RIPOR2: variants seen among roughly 807,000 people sequenced by gnomAD.
RIPOR2 encodes the protein RHO family interacting cell polarization regulator 2, also known as rho family-interacting cell polarization regulator 2.
A neutral mutation model predicts 114.5 loss-of-function variants in RIPOR2; 39 were observed. That is an observed-to-expected ratio of 0.34 (90% CI 0.26 to 0.44). The LOEUF (loss-of-function observed/expected upper bound fraction) is 0.44, where lower values mean the gene tolerates loss of function less well. RIPOR2 is among the 20% of genes least tolerant of loss of function. RIPOR2 has a pLI of 1.00. For synonymous variants in RIPOR2, 445 were observed against 484.4 expected (o/e 0.92, Z 1.07); for missense variants, 1,007 against 1,255.1 (o/e 0.80, Z 2.99).
At chr6:24,868,091 C>T (rs1764804321) in intron 6 of RIPOR2, among the ~76,000 whole-genome samples, 1 of 152,122 alleles carries the variant, frequency 6.6e-6, no homozygotes, top group Non-Finnish European at 1.5e-5. Flanking sequence ...GAAATAGGAG[C>T]AATTTCAGAT....
In RIPOR2 at chr6:25,031,728, TATATATATATATATATATATATAA is replaced by T. The variant is rs1404782801; in HGVS notation, c.76+10099_76+10122del. Among the ~76,000 whole-genome samples, 135 of 107,570 alleles carry T rather than the reference TATATATATATATATATATATATAA, an allele frequency of 1.3e-3. 1 individual carries two copies. The highest frequency in any genetic ancestry group is 2.0e-3 in the Admixed American group (22 of 11,278). The allele number at this position is 107,570 out of a possible 152,430, so 70.6% of individuals were successfully genotyped here. On this transcript the variant is annotated intron_variant, in intron 1 of 13. Transcript: ENST00000510784. ...ATATATATATATATATATATATATATATATATATATATATATATATATAAAATATCCATAGAATATATATATATT... is the reference window on the plus strand; with the variant it reads ...ATATATATATATATATATATATATATAATATCCATAGAATATATATATATT...
At chr6:24,837,031 C>A (rs1761174785) in intron 14 of RIPOR2, among the ~76,000 whole-genome samples, 1 of 152,178 alleles carries the variant, frequency 6.6e-6, no homozygotes, top group Non-Finnish European at 1.5e-5. Flanking sequence ...CATCCTGTAA[C>A]AGCTTAAGGT....
At chr6:24,875,587 G>A (rs949152364) in intron 2 of RIPOR2, 104 bp downstream of exon 2, 32 of 1,057,280 alleles carry the variant, frequency 3.0e-5, no homozygotes, top group Non-Finnish European at 3.3e-5. Flanking sequence ...GGAGGAGGCC[G>A]GGGGGCGGTT....
intron 1 of RIPOR2, among the ~76,000 whole-genome samples, chr6:24,979,862 A>C (rs1056906645): frequency 2.6e-5 from 4 of 152,258 alleles, no homozygotes; most frequent in Non-Finnish European, 5.9e-5. Flanking sequence ...TTAGCTCTGC[A>C]AGATACAAAT....
chr6:24,989,988 G>A (rs1048427055), intron 1 of RIPOR2, among the ~76,000 whole-genome samples: 8 of 151,944 alleles, frequency 5.3e-5, no homozygotes, highest in African/African-American at 1.9e-4. Flanking sequence ...CCGAGATCAT[G>A]CCATTGCACT....
intron 1 of RIPOR2, among the ~76,000 whole-genome samples, chr6:24,886,144 C>CACAA (rs922710428): frequency 1.3e-5 from 2 of 152,110 alleles, no homozygotes; most frequent in African/African-American, 4.8e-5. Flanking sequence ...CACACACACA[C>CACAA]ACACATTATT....
chr6:24,832,290 A>G lies in RIPOR2; in HGVS notation c.2310T>C (p.Asp770=), dbSNP rs1760751168. The G allele has an allele frequency of 6.4e-7, 1 of 1,551,790 alleles. No homozygotes were observed. Among genetic ancestry groups the G allele is most frequent in the Non-Finnish European group, 8.7e-7 (1 of 1,146,966 alleles). ...QVMEKLAAVS[D]ENIGNISSVV... is the part of the protein sequence containing the mutation. ...CAGAACTGATATTTCCTATGTTCTC[A>G]TCACTGACAGCTGCGAGTTTCTCCA... The change falls in exon 16 of 22, where the codon GAT becomes GAC. Residue 770 remains aspartate (D), a synonymous_variant. Transcript: ENST00000643898.
chr6:24,921,986 C>A (rs1015330331), intron 1 of RIPOR2, among the ~76,000 whole-genome samples: 1 of 151,912 alleles, frequency 6.6e-6, no homozygotes, highest in Non-Finnish European at 1.5e-5. Flanking sequence ...TGTGCCACCA[C>A]GCCCAGCTAA....
chr6:24,823,576 T>C (rs918731981), intron 19 of RIPOR2, among the ~76,000 whole-genome samples: 1 of 152,108 alleles, frequency 6.6e-6, no homozygotes, highest in Middle Eastern at 3.2e-3. Flanking sequence ...CTCCATATAA[T>C]ACCAGGGACA....
At chr6:24,971,160 A>G (rs991457905) in intron 1 of RIPOR2, among the ~76,000 whole-genome samples, 5 of 152,242 alleles carry the variant, frequency 3.3e-5, no homozygotes, top group Admixed American at 1.3e-4. Flanking sequence ...AGTGGCAGTC[A>G]CCATAATTAA....
chr6:25,023,566 G>A (rs1276781328), intron 1 of RIPOR2: 5 of 771,598 alleles, frequency 6.5e-6, no homozygotes, highest in Non-Finnish European at 1.2e-5. Flanking sequence ...GGCCTTGTTT[G>A]ATTTTGCACA....
At chr6:24,884,694 G>A (rs1014915761) in intron 1 of RIPOR2, among the ~76,000 whole-genome samples, 3 of 152,158 alleles carry the variant, frequency 2.0e-5, no homozygotes, top group Non-Finnish European at 2.9e-5. Context: ...AGTAAAGGAA[G>A]TAATTCCTCC....
chr6:24,915,430 C>T (rs113841961), intron 1 of RIPOR2, among the ~76,000 whole-genome samples: 8,912 of 151,178 alleles, frequency 0.059, 442 homozygotes, highest in African/African-American at 0.13. Context: ...TCTCAGCTCA[C>T]TGCAACCTCC....
intron 1 of RIPOR2, among the ~76,000 whole-genome samples, chr6:24,946,364 C>G (rs370353270): frequency 6.6e-6 from 1 of 152,074 alleles, no homozygotes; most frequent in Non-Finnish European, 1.5e-5. Flanking sequence ...TGTGAGCCAT[C>G]GCACCCTGCC....
At chr6:24,811,657 C>CTTTTTTTTTTTTT (rs1222503239) in intron 20 of RIPOR2, among the ~76,000 whole-genome samples, 2 of 21,730 alleles carry the variant, frequency 9.2e-5, no homozygotes, top group Non-Finnish European at 1.4e-4. Context: ...TCGTTTAGTA[C>CTTTTTTTTTTTTT]TTTTTTTTTT....
intron 1 of RIPOR2, among the ~76,000 whole-genome samples, chr6:25,029,411 G>GAAAAAAAAAAAAAAAA (rs71544610): frequency 1.1e-5 from 1 of 90,632 alleles, no homozygotes; most frequent in Non-Finnish European, 2.0e-5. Flanking sequence ...TCTCAAAAAA[G>GAAAAAAAAAAAAAAAA]AAAAAAAAAA....
At chr6:24,987,909 T>C (rs903352348) in intron 1 of RIPOR2, among the ~76,000 whole-genome samples, 2 of 152,136 alleles carry the variant, frequency 1.3e-5, no homozygotes, top group African/African-American at 4.8e-5. Flanking sequence ...CAACAGATGG[T>C]TCCTGTTTTT....
At chr6:24,891,043 T>C (rs1197075208) in intron 1 of RIPOR2, among the ~76,000 whole-genome samples, 1 of 152,122 alleles carries the variant, frequency 6.6e-6, no homozygotes, top group African/African-American at 2.4e-5. Context: ...GTATAGCTGA[T>C]GAAAAAAAGT....
intron 5 of RIPOR2, among the ~76,000 whole-genome samples, chr6:24,869,429 T>G (rs970291166): frequency 5.3e-5 from 8 of 151,762 alleles, no homozygotes; most frequent in Non-Finnish European, 1.2e-4. Flanking sequence ...GCGATTCTCC[T>G]GCCTCAGCCT....
Sources: allele counts gnomAD v4.1 joint callset (sites outside exome capture counted in the v4.1 genomes callset), GRCh38; gene constraint gnomAD v4.1.1; transcripts MANE v1.5; gene names NCBI Gene and HGNC (gene_info 2026-07-23, HGNC 2026-07-21).